The following SERPINA1 variants were observed in gnomAD, a reference collection of about 807,000 sequenced individuals.
SERPINA1 encodes the protein alpha-1-antitrypsin.
In SERPINA1, 21 loss-of-function variants were observed where a neutral mutation model predicts 25.4. The ratio of observed to expected loss-of-function variants is 0.83; its 90% confidence interval spans 0.59 to 1.19. The LOEUF (loss-of-function observed/expected upper bound fraction) is 1.19. Ranked by LOEUF, SERPINA1 falls within the 50% of genes most tolerant of loss-of-function variation. The probability of loss-of-function intolerance (pLI) is 0.00; values close to 1 mark genes in which losing one functional copy is unlikely to be tolerated. For synonymous variants in SERPINA1, 218 were observed against 211.1 expected (o/e 1.03, Z -0.29); for missense variants, 546 against 509.0 (o/e 1.07, Z -0.70).
chr14:94,389,654 G>C (rs952879385), upstream of SERPINA1: 18 of 152,162 alleles, frequency 1.2e-4, no homozygotes, highest in African/African-American at 4.1e-4. Context: ...AGATTGCATC[G>C]CCCGCTGTGC....
upstream of SERPINA1, chr14:94,389,494 G>A (rs1122629): frequency 0.56 from 84,418 of 152,030 alleles, 24,309 homozygotes; most frequent in African/African-American, 0.7. Flanking sequence ...AGTGTGATCC[G>A]TATACAGCTT....
Position 94,377,261 on chromosome 14 carries a change from A to T in SERPINA1, c.*1188T>A, listed in dbSNP as rs1896428132. On this transcript the variant is annotated 3_prime_UTR_variant, in exon 5 of 5. Coordinates refer to ENST00000393087, the MANE Select transcript of SERPINA1 (RefSeq NM_000295.5). ...GGCCATTCCTGGTAGAGACGGAGGG[A>T]GCAGGCTGTCCTTCAGCTAGGGGCC... The T allele has an allele frequency of 6.6e-6, 1 of 152,166 alleles. No individual in the cohort carries two copies. The highest frequency in any genetic ancestry group is 1.5e-5 in the Non-Finnish European group (1 of 68,074). 9.4% of individuals were successfully genotyped at this position (152,166 alleles called of 1,614,324 possible). A position where few individuals can be genotyped will look rare whatever the true frequency, so the allele number is the denominator to read the frequency against.
chr14:94,380,624 G>A, intron 3 of SERPINA1: 1 of 569,820 alleles, frequency 1.8e-6, no homozygotes, highest in Non-Finnish European at 3.2e-6. Context: ...CACTGGAGTG[G>A]GAAGTCCCCA....
At position 94,382,898 on chromosome 14, in the gene SERPINA1, C is replaced by A. The variant is rs1566757580; in HGVS notation, c.340G>T (p.Ala114Ser). The A allele has an allele frequency of 6.2e-7, 1 of 1,613,538 alleles. No individual in the cohort carries two copies. Among genetic ancestry groups the A allele is most frequent in the Non-Finnish European group, 8.5e-7 (1 of 1,179,486 alleles). ...LNFNLTEIPE[A>S]QIHEGFQELL... ...TCCTGGAAGCCTTCATGGATCTGAG[C>A]CTCCGGAATCTCCGTGAGGTTGAAA... Residue 114 changes from alanine (A) to serine (S), a missense_variant, in exon 2 of 5, where the codon GCT becomes TCT. Transcript: ENST00000393087.
Position 94,383,427 on chromosome 14 carries a change from G to A in SERPINA1, c.-4-186C>T, listed in dbSNP as rs1358290584. ...AAAATGTACGTAGTGCTTACCATAT[G>A]CCAAGCACTGTTCTCCGTGCTCACA... On this transcript the variant is annotated intron_variant, in intron 1 of 4. Coordinates refer to ENST00000393087, the MANE Select transcript of SERPINA1 (RefSeq NM_000295.5). 8 of 624,522 alleles carry A rather than the reference G, an allele frequency of 1.3e-5. No homozygotes were observed. The East Asian group carries it at 1.7e-4, about 13-fold the overall frequency. 38.7% of individuals were successfully genotyped at this position (624,522 alleles called of 1,614,324 possible).
At chr14:94,380,694 C>T (rs964977010) in intron 3 of SERPINA1, 177 bp downstream of exon 3, 23 of 759,546 alleles carry the variant, frequency 3.0e-5, no homozygotes, top group East Asian at 5.2e-5. Flanking sequence ...GCATGGATGG[C>T]GCTGCCTGAA....
At chr14:94,381,839 C>T (rs369561697) in intron 2 of SERPINA1, among the ~76,000 whole-genome samples, 80 of 152,352 alleles carry the variant, frequency 5.3e-4, no homozygotes, top group African/African-American at 1.9e-3. Context: ...CCCTCCTTTG[C>T]CTCAAGAGCA....
Position 94,378,737 on chromosome 14 carries a change from G to A in SERPINA1, c.1066-97C>T. 4 of 1,366,338 alleles carry A rather than the reference G, an allele frequency of 2.9e-6. No individual in the cohort carries two copies. In the South Asian group the frequency reaches 4.9e-5, roughly 17 times the overall value. 84.6% of individuals were successfully genotyped at this position (1,366,338 alleles called of 1,614,324 possible). The stretch of plus-strand genomic sequence containing the variant: ...TCCCAGGAAGCGCTCACTCCCCCTG[G>A]ACGGCCCTGGCCCTGCACATCCTCT... On this transcript the variant is annotated intron_variant, in intron 4 of 4. Transcript: ENST00000393087.
At chr14:94,388,157 T>C (rs1317429471) in intron 1 of SERPINA1, among the ~76,000 whole-genome samples, 1 of 152,084 alleles carries the variant, frequency 6.6e-6, no homozygotes, top group Admixed American at 6.5e-5. Context: ...GTGAGGCTTA[T>C]AGGAGACAAC....
At chr14:94,380,775 C>A in intron 3 of SERPINA1, 96 bp downstream of exon 3, 1 of 1,515,522 alleles carries the variant, frequency 6.6e-7, no homozygotes, top group Non-Finnish European at 9.2e-7. Context: ...TGGGGTTCAC[C>A]CTCCTCAGCC....
chr14:94,383,258 G>A lies in SERPINA1; in HGVS notation c.-4-17C>T, dbSNP rs747643620. 23 of 1,605,378 alleles carry A rather than the reference G, an allele frequency of 1.4e-5. No individual in the cohort carries two copies. The highest frequency in any genetic ancestry group is 2.2e-5 in the East Asian group (1 of 44,736). On this transcript the variant is annotated splice_polypyrimidine_tract_variant and intron_variant, in intron 1 of 4. Coordinates refer to ENST00000393087, the MANE Select transcript of SERPINA1 (RefSeq NM_000295.5). Reference sequence around the variant, plus strand: ...GGCATTGTCCTGCAAGACAGAGATGGGGGGGCCAGGCCCCGAGTCAAGGCA... The same window carrying A: ...GGCATTGTCCTGCAAGACAGAGATGAGGGGGCCAGGCCCCGAGTCAAGGCA...
intron 2 of SERPINA1, among the ~76,000 whole-genome samples, chr14:94,381,940 T>C (rs535893053): frequency 6.6e-6 from 1 of 152,320 alleles, no homozygotes; most frequent in Admixed American, 6.5e-5. Flanking sequence ...GGAGCTGGCT[T>C]AGAATGCCCT....
Position 94,383,058 on chromosome 14 carries a change from G to T in SERPINA1, c.180C>A (p.Ser60Arg). 1 of 1,614,128 alleles carries T rather than the reference G, an allele frequency of 6.2e-7. No homozygotes were observed. The highest frequency in any genetic ancestry group is 8.5e-7 in the Non-Finnish European group (1 of 1,179,926). Reference protein sequence around the residue: ...ITPNLAEFAFSLYRQLAHQSN... With the variant: ...ITPNLAEFAFRLYRQLAHQSN... ...ACTGGTGTGCCAGCTGGCGGTATAG[G>T]CTGAAGGCGAACTCAGCCAGGTTGG... The change falls in exon 2 of 5, where the codon AGC becomes AGA. Residue 60 changes from serine (S) to arginine (R), a missense_variant. Ser to Arg is a moderately radical substitution (Grantham distance 110). Coordinates refer to ENST00000393087, the MANE Select transcript of SERPINA1 (RefSeq NM_000295.5).
rs1004368880 is a variant in SERPINA1, at chr14:94,377,908, C to G, written c.*541G>C. 5.8e-6 allele frequency: 1 copy of G among 171,438 alleles called. No individual in the cohort carries two copies. The highest frequency in any genetic ancestry group is 2.4e-5 in the African/African-American group (1 of 42,016). 10.6% of individuals were successfully genotyped at this position (171,438 alleles called of 1,614,324 possible). Reference sequence around the variant, plus strand: ...GGTCAAGAGGAGGACATTGTCCTCTCTCTTGTGTTGCTGCAGATGCCACAA... The same window carrying G: ...GGTCAAGAGGAGGACATTGTCCTCTGTCTTGTGTTGCTGCAGATGCCACAA... On this transcript the variant is annotated 3_prime_UTR_variant, in exon 5 of 5. Coordinates refer to ENST00000393087, the MANE Select transcript of SERPINA1 (RefSeq NM_000295.5).
At position 94,382,715 on chromosome 14, in the gene SERPINA1, C is replaced by T. The variant is rs149770048; in HGVS notation, c.523G>A (p.Glu175Lys). The T allele has an allele frequency of 2.8e-5, 45 of 1,614,236 alleles. No individual in the cohort carries two copies. The highest frequency in any genetic ancestry group is 8.3e-5 in the Admixed American group (5 of 60,026). The part of the protein sequence containing the change: ...EAFTVNFGDT[E>K]EAKKQINDYV... ...TCGTTGATCTGTTTCTTGGCCTCTT[C>T]GGTGTCCCCGAAGTTGACAGTGAAG... is the stretch of plus-strand genomic sequence containing the variant. The change falls in exon 2 of 5, where the codon GAA (glutamate) becomes AAA (lysine). Residue 175 changes from glutamate (E) to lysine (K), a missense_variant. Glu to Lys is a moderately conservative substitution (Grantham distance 56). Transcript: ENST00000393087.
At chr14:94,388,181 C>T (rs553731056) in intron 1 of SERPINA1, among the ~76,000 whole-genome samples, 5 of 152,232 alleles carry the variant, frequency 3.3e-5, no homozygotes, top group African/African-American at 4.8e-5. Context: ...CAGGAGCCCC[C>T]GACAGACAGA....
chr14:94,381,237 C>T, intron 2 of SERPINA1, 96 bp from the exon 3 acceptor site: 1 of 1,262,706 alleles, frequency 7.9e-7, no homozygotes, highest in Non-Finnish European at 1.1e-6. Flanking sequence ...CCTGAGAAGC[C>T]CTGAGCCCCC....
intron 1 of SERPINA1, among the ~76,000 whole-genome samples, chr14:94,387,272 G>A (rs983770113): frequency 1.3e-5 from 2 of 152,232 alleles, no homozygotes; most frequent in Non-Finnish European, 2.9e-5. Flanking sequence ...TCAGTTTCCT[G>A]GAGATGAGAA....
upstream of SERPINA1, among the ~76,000 whole-genome samples, chr14:94,390,111 TC>T (rs1897595871): frequency 6.6e-6 from 1 of 152,090 alleles, no homozygotes; most frequent in Non-Finnish European, 1.5e-5. Context: ...AGTCTCTCAT[TC>T]AGTTACCCTG....
Sources: gnomAD v4.1 joint callset for allele counts (sites outside exome capture counted in the v4.1 genomes callset) on GRCh38, gnomAD v4.1.1 for gene constraint, MANE v1.5 for transcripts, NCBI Gene and HGNC (gene_info 2026-07-23, HGNC 2026-07-21) for gene names.